The following SRGAP2 variants were observed in gnomAD, a reference collection of about 807,000 sequenced individuals.
The protein encoded by SRGAP2 is SLIT-ROBO Rho GTPase activating protein 2.
SRGAP2 carries 15 observed loss-of-function variants against 57.2 expected under a neutral mutation model. That is an observed-to-expected ratio of 0.26 (90% CI 0.18 to 0.40). The LOEUF is 0.40. Ranked by LOEUF, SRGAP2 falls within the 10% of genes least tolerant of loss-of-function variation. The probability of loss-of-function intolerance (pLI) is 1.00; values close to 1 mark genes in which losing one functional copy is unlikely to be tolerated. For missense variants in SRGAP2, 520 were observed against 669.6 expected (o/e 0.78, Z 2.47); for synonymous variants, 249 against 248.0 (o/e 1.00, Z -0.04).
chr1:206,353,911 C>T (rs61816839), intron 4 of SRGAP2, among the ~76,000 whole-genome samples: 5 of 148,934 alleles, frequency 3.4e-5, no homozygotes, highest in African/African-American at 1.2e-4. Context: ...GTGATCCTCC[C>T]ACCTCAGCTT....
rs370250383 is a variant in SRGAP2 at position 206,461,056 on chromosome 1, A to C, written c.2852A>C (p.Asn951Thr). ...TTGCAGGATATTGAGGCAACAATGA[A>C]CTCGGCCCTGAATGAGCTACGGGAA... Reference protein sequence around the residue: ...VIAQDIEATMNSALNELRELE... With the variant: ...VIAQDIEATMTSALNELRELE... Residue 951 changes from asparagine to threonine, a missense_variant, in exon 23 of 23, where the codon AAC becomes ACC. Physicochemically the swap from Asn to Thr is moderately conservative, Grantham distance 65. Coordinates refer to ENST00000573034, the MANE Select transcript of SRGAP2 (RefSeq NM_015326.5). 2.8e-6 allele frequency: 2 copies of C among 712,802 alleles called. No individual in the cohort carries two copies. Among genetic ancestry groups the C allele is most frequent in the Non-Finnish European group, 5.2e-6 (2 of 381,420 alleles). 44.2% of individuals were successfully genotyped at this position (712,802 alleles called of 1,614,324 possible). A position where few individuals can be genotyped will look rare whatever the true frequency, so the allele number is the denominator to read the frequency against.
chr1:206,439,171 C>T (rs1662045545), intron 16 of SRGAP2, among the ~76,000 whole-genome samples: 1 of 152,064 alleles, frequency 6.6e-6, no homozygotes, highest in African/African-American at 2.4e-5. Flanking sequence ...CCAGTACTTC[C>T]CATCTCTTTT....
chr1:206,327,336 A>T (rs1674005309), intron 3 of SRGAP2, among the ~76,000 whole-genome samples: 1 of 151,616 alleles, frequency 6.6e-6, no homozygotes, highest in Non-Finnish European at 1.5e-5. Flanking sequence ...TCAAAAAAAA[A>T]AAAAAAGAAG....
rs1253445649 is a variant in SRGAP2, at chr1:206,454,827, G to GTGT, written c.2361-40_2361-38dup. 3 of 713,304 alleles carry GTGT rather than the reference G, an allele frequency of 4.2e-6. No individual in the cohort carries two copies. Among genetic ancestry groups the GTGT allele is most frequent in the Admixed American group, 4.0e-5 (2 of 50,538 alleles). The allele number at this position is 713,304 out of a possible 1,614,324, so 44.2% of individuals were successfully genotyped here. ...TCTTGCCGATTTAACGCTGCTTTTT[G>GTGT]TGTTGTTGTTGTTTTCCCTCCTCCC... On this transcript the variant is annotated intron_variant, in intron 20 of 22. Coordinates refer to ENST00000573034, the MANE Select transcript of SRGAP2 (RefSeq NM_015326.5). The surrounding 1 kb of genome is among the most constrained non-coding windows in gnomAD (Gnocchi z 4.3).
At chr1:206,460,473 G>T (rs1199354203) in intron 22 of SRGAP2, among the ~76,000 whole-genome samples, 1 of 152,148 alleles carries the variant, frequency 6.6e-6, no homozygotes, top group African/African-American at 2.4e-5. Flanking sequence ...ACTGCCCTGA[G>T]TTGGGGAGGA....
chr1:206,409,659 G>A (rs1659013015), intron 10 of SRGAP2, among the ~76,000 whole-genome samples: 1 of 151,890 alleles, frequency 6.6e-6, no homozygotes. Context: ...GCAGGCGCCT[G>A]TAATCCCAGC....
chr1:206,380,421 C>T (rs1319415700), intron 4 of SRGAP2, among the ~76,000 whole-genome samples: 1 of 148,146 alleles, frequency 6.8e-6, no homozygotes, highest in African/African-American at 2.6e-5. Context: ...ATCACACTTC[C>T]CATCCGATAG....
intron 4 of SRGAP2, among the ~76,000 whole-genome samples, chr1:206,377,745 C>T (rs1247950840): frequency 1.3e-4 from 2 of 15,700 alleles, no homozygotes; most frequent in Non-Finnish European, 2.7e-4. Context: ...ACCACAAGTG[C>T]CTGACACTTA....
At chr1:206,431,887 C>T (rs782331620) in intron 14 of SRGAP2, among the ~76,000 whole-genome samples, 6 of 152,110 alleles carry the variant, frequency 3.9e-5, no homozygotes, top group Non-Finnish European at 8.8e-5. Context: ...TCTTGGGGAG[C>T]GGGAACAAGT....
At chr1:206,314,105 G>GTTTTTTTTTT (rs797022788) in intron 3 of SRGAP2, among the ~76,000 whole-genome samples, 1 of 138,580 alleles carries the variant, frequency 7.2e-6, no homozygotes. Flanking sequence ...TGTTTTTTTT[G>GTTTTTTTTTT]TTTTTTTTTT....
At chr1:206,394,846 A>G (rs1657413173) in intron 7 of SRGAP2, among the ~76,000 whole-genome samples, 2 of 151,774 alleles carry the variant, frequency 1.3e-5, no homozygotes, top group African/African-American at 4.9e-5. Flanking sequence ...GTCCTGAGCC[A>G]CACCTAAGTG....
chr1:206,359,798 C>CTTTTTTTTTTTTTTTTT (rs1166916482), intron 4 of SRGAP2, among the ~76,000 whole-genome samples: 3 of 70,226 alleles, frequency 4.3e-5, no homozygotes, highest in African/African-American at 1.8e-4. Flanking sequence ...GGATATTGCT[C>CTTTTTTTTTTTTTTTTT]TTTTTTTTTT....
chr1:206,378,822 T>C (rs1553345979), intron 4 of SRGAP2, among the ~76,000 whole-genome samples: 1 of 152,228 alleles, frequency 6.6e-6, no homozygotes, highest in African/African-American at 2.4e-5. Context: ...AGCTTCATTC[T>C]TGAAGTCAGT....
chr1:206,290,641 C>CAAAAAAAAAAAAA, intron 2 of SRGAP2, among the ~76,000 whole-genome samples: 2 of 45,208 alleles, frequency 4.4e-5, no homozygotes, highest in Non-Finnish European at 9.3e-5. Context: ...GACTCCATCT[C>CAAAAAAAAAAAAA]AAAAAAAAAA....
intron 14 of SRGAP2, among the ~76,000 whole-genome samples, chr1:206,434,797 C>G (rs575864920): frequency 1.3e-5 from 2 of 152,138 alleles, no homozygotes; most frequent in Non-Finnish European, 2.9e-5. Flanking sequence ...GTCCTGGACC[C>G]CCAGGCCAAG....
intron 2 of SRGAP2, among the ~76,000 whole-genome samples, chr1:206,266,528 C>T (rs1553314554): frequency 2.0e-5 from 3 of 152,186 alleles, no homozygotes; most frequent in South Asian, 4.1e-4. Context: ...CAGGCATGAG[C>T]CACCACGCCC....
chr1:206,293,069 C>A (rs1671416694), intron 2 of SRGAP2, among the ~76,000 whole-genome samples: 1 of 152,182 alleles, frequency 6.6e-6, no homozygotes, highest in Non-Finnish European at 1.5e-5. Context: ...AACGTAGGGT[C>A]TGGATTTTAA....
chr1:206,306,372 G>A (rs1228392943), intron 3 of SRGAP2, among the ~76,000 whole-genome samples: 5 of 152,196 alleles, frequency 3.3e-5, no homozygotes, highest in African/African-American at 1.2e-4. Context: ...AAGGCAGCGC[G>A]TCTGGAGTTG....
At chr1:206,359,128 A>G (rs577498280) in intron 4 of SRGAP2, among the ~76,000 whole-genome samples, 1,708 of 150,576 alleles carry the variant, frequency 0.011, 26 homozygotes, top group African/African-American at 0.04. Context: ...GAAGATTTCC[A>G]TATTATCTGA....
Sources: gnomAD v4.1 joint callset for allele counts (sites outside exome capture counted in the v4.1 genomes callset) on GRCh38, gnomAD v4.1.1 for gene constraint, Gnocchi (gnomAD v3.1) non-coding constraint, MANE v1.5 for transcripts, NCBI Gene and HGNC (gene_info 2026-07-23, HGNC 2026-07-21) for gene names.